DZANK1: variants seen among roughly 807,000 people sequenced by gnomAD.
DZANK1 encodes double zinc ribbon and ankyrin repeat-containing protein 1.
A neutral mutation model predicts 94.5 loss-of-function variants in DZANK1; 91 were observed. The ratio of observed to expected loss-of-function variants is 0.96; its 90% confidence interval spans 0.81 to 1.15. The LOEUF (loss-of-function observed/expected upper bound fraction) is 1.15, where lower values mean the gene tolerates loss of function less well. Ranked by LOEUF, DZANK1 falls within the 50% of genes most tolerant of loss-of-function variation. The pLI, the probability that DZANK1 is intolerant of heterozygous loss-of-function variation, is 0.00. For synonymous variants in DZANK1, 312 were observed against 325.3 expected (o/e 0.96, Z 0.44); for missense variants, 903 against 916.4 (o/e 0.99, Z 0.19).
chr20:18,404,023 C>T (rs893937525), intron 13 of DZANK1, among the ~76,000 whole-genome samples: 1 of 152,176 alleles, frequency 6.6e-6, no homozygotes, highest in Admixed American at 6.5e-5. Context: ...TGGTCTCAAA[C>T]TCCTGAGACG....
At chr20:18,411,394 T>C (rs1213008698) in intron 13 of DZANK1, among the ~76,000 whole-genome samples, 3 of 152,072 alleles carry the variant, frequency 2.0e-5, no homozygotes, top group Non-Finnish European at 4.4e-5. Context: ...TCAGATGAAA[T>C]AGATAAATAT....
chr20:18,463,364 T>C (rs1469247003), intron 2 of DZANK1, among the ~76,000 whole-genome samples: 3 of 151,956 alleles, frequency 2.0e-5, no homozygotes, highest in Non-Finnish European at 4.4e-5. Flanking sequence ...TACCAGAGGG[T>C]GGGGAGGGCT....
intron 13 of DZANK1, among the ~76,000 whole-genome samples, chr20:18,401,918 T>C (rs557594124): frequency 2.4e-4 from 36 of 152,314 alleles, no homozygotes; most frequent in African/African-American, 8.2e-4. Context: ...AACAGCCTCT[T>C]CCTCCTAAGG....
In DZANK1 at chr20:18,385,529, C is replaced by T. The variant is rs538425838; in HGVS notation, c.2019-439G>A. Among the ~76,000 whole-genome samples the T allele has an allele frequency of 7.9e-5, 12 of 152,108 alleles. No individual in the cohort carries two copies. The East Asian group carries it at 1.5e-3, about 20-fold the overall frequency. ...CTCCCAGGTTCAAGCGATTCTCCTG[C>T]GTCAGCCTCCCAAGTAGCTGGGATT... On this transcript the variant is annotated intron_variant, in intron 19 of 20. Transcript: ENST00000262547.
chr20:18,458,409 T>C (rs1214685175), intron 3 of DZANK1, among the ~76,000 whole-genome samples: 1 of 152,256 alleles, frequency 6.6e-6, no homozygotes, highest in Non-Finnish European at 1.5e-5. Flanking sequence ...TGAGATGTTA[T>C]TTCTAAATAC....
chr20:18,432,618 C>T (rs570524926), intron 9 of DZANK1: 8 of 152,218 alleles, frequency 5.3e-5, no homozygotes, highest in African/African-American at 9.7e-5. Context: ...TTTATCTTTT[C>T]TCTGAATACA....
At chr20:18,405,595 A>T (rs1436633052) in intron 13 of DZANK1, among the ~76,000 whole-genome samples, 1 of 152,218 alleles carries the variant, frequency 6.6e-6, no homozygotes, top group Non-Finnish European at 1.5e-5. Context: ...ACATGAATTT[A>T]TACATCCAAG....
chr20:18,392,106 C>T (rs1162198489), intron 17 of DZANK1, among the ~76,000 whole-genome samples: 2 of 152,096 alleles, frequency 1.3e-5, no homozygotes, highest in African/African-American at 4.8e-5. Flanking sequence ...GCTTCTGATA[C>T]TTATCCCCTA....
Position 18,424,469 on chromosome 20 carries a change from C to CA in DZANK1, c.954+2597dup, listed in dbSNP as rs1259005733. 7.1e-3 allele frequency among the ~76,000 whole-genome samples: 713 copies of CA among 101,042 alleles called. 3 individuals carry two copies. Among genetic ancestry groups the CA allele is most frequent in the African/African-American group, 0.019 (475 of 25,400 alleles). 66.3% of individuals were successfully genotyped at this position (101,042 alleles called of 152,430 possible). ...GACTCCGTCTCAATAACAACAACAA[C>CA]AAAAAAAAAAAAAAAGAAAAGAAAA... On this transcript the variant is annotated intron_variant, in intron 10 of 20. Transcript: ENST00000262547.
intron 13 of DZANK1, among the ~76,000 whole-genome samples, chr20:18,400,511 CA>C (rs2056615522): frequency 6.6e-6 from 1 of 152,210 alleles, no homozygotes; most frequent in East Asian, 1.9e-4. Flanking sequence ...AAGTTGGAGG[CA>C]GCAAAGTCAA....
chr20:18,394,938 G>A, intron 15 of DZANK1: 1 of 454,464 alleles, frequency 2.2e-6, no homozygotes, highest in Admixed American at 2.4e-5. Flanking sequence ...TCTACATAAT[G>A]AGGCCAGACA....
At chr20:18,422,117 T>C (rs2057809766) in intron 10 of DZANK1, among the ~76,000 whole-genome samples, 2 of 152,164 alleles carry the variant, frequency 1.3e-5, no homozygotes, top group Non-Finnish European at 1.5e-5. Context: ...TTGGGGGTCA[T>C]ATCCGAAAAA....
chr20:18,410,358 A>C (rs1296313384), intron 13 of DZANK1, among the ~76,000 whole-genome samples: 1 of 152,184 alleles, frequency 6.6e-6, no homozygotes, highest in African/African-American at 2.4e-5. Flanking sequence ...ATAAACTTGA[A>C]GTATAGTCTG....
At chr20:18,389,628 C>T (rs2055841019) in intron 19 of DZANK1, 73 bp downstream of exon 19, 3 of 1,588,146 alleles carry the variant, frequency 1.9e-6, no homozygotes, top group Non-Finnish European at 2.6e-6. Flanking sequence ...GTGTAGACCG[C>T]TTCTGCTGCA....
At chr20:18,400,950 T>G (rs1220130029) in intron 13 of DZANK1, among the ~76,000 whole-genome samples, 1 of 152,202 alleles carries the variant, frequency 6.6e-6, no homozygotes, top group Non-Finnish European at 1.5e-5. Flanking sequence ...ACTTCTTTTT[T>G]TTTTAGACGG....
At chr20:18,464,003 T>A (rs779163277) in intron 2 of DZANK1, among the ~76,000 whole-genome samples, 1 of 152,070 alleles carries the variant, frequency 6.6e-6, no homozygotes, top group African/African-American at 2.4e-5. Flanking sequence ...TGTGTAGATA[T>A]ACACACATAT....
rs187155323 is a variant in DZANK1, at chr20:18,407,017, T to C, written c.1432+5629A>G. ...GCAGGAAAGACTTTCTATGATTTGA[T>C]TGCTTAGCTGCAATATAATAGAACA... On this transcript the variant is annotated intron_variant, in intron 13 of 20. Coordinates refer to ENST00000262547, the Ensembl canonical transcript of DZANK1. Among the ~76,000 whole-genome samples, 263 of 152,332 alleles carry C rather than the reference T, an allele frequency of 1.7e-3. 1 individual carries two copies. Among genetic ancestry groups the C allele is most frequent in the Non-Finnish European group, 3.4e-3 (232 of 68,040 alleles).
chr20:18,460,071 T>C (rs867814923), intron 3 of DZANK1, 82 bp downstream of exon 3: 30 of 1,075,526 alleles, frequency 2.8e-5, no homozygotes, highest in Non-Finnish European at 3.7e-5. Context: ...GCAGCACTGA[T>C]TCTGATAGGA....
chr20:18,462,618 G>C (rs1237147660), intron 2 of DZANK1, among the ~76,000 whole-genome samples: 2 of 152,138 alleles, frequency 1.3e-5, no homozygotes, highest in Non-Finnish European at 2.9e-5. Context: ...AGATGTTGCA[G>C]AGAAAAGGGA....
Sources: gnomAD v4.1 joint callset for allele counts (sites outside exome capture counted in the v4.1 genomes callset) on GRCh38, gnomAD v4.1.1 for gene constraint, MANE v1.5 for transcripts, NCBI Gene and HGNC (gene_info 2026-07-23, HGNC 2026-07-21) for gene names.